Variants in RPAP3 observed in about 807,000 individuals in gnomAD.
The protein encoded by RPAP3 is RNA polymerase II-associated protein 3.
Under a neutral mutation model 88.8 loss-of-function variants are expected in RPAP3, and 58 were observed. The ratio of observed to expected loss-of-function variants is 0.65; its 90% CI spans 0.53 to 0.81. The LOEUF is 0.81. Ranked by LOEUF, RPAP3 falls within the 40% of genes least tolerant of loss-of-function variation. The pLI is 0.00. For missense variants in RPAP3, 751 were observed against 764.3 expected, an observed-to-expected ratio of 0.98 and a Z score of 0.20; for synonymous variants, 255 against 259.9, an observed-to-expected ratio of 0.98 and a Z score of 0.18.
chr12:47,685,463 T>C (rs1939304816), intron 9 of RPAP3, among the ~76,000 whole-genome samples: 1 of 152,262 alleles, frequency 6.6e-6, no homozygotes, highest in East Asian at 1.9e-4. Flanking sequence ...TCACCACTAT[T>C]CAGAATTACA....
chr12:47,679,335 A>AT (rs1181002420), intron 12 of RPAP3, among the ~76,000 whole-genome samples, 158 bp downstream of exon 12: 1 of 152,196 alleles, frequency 6.6e-6, no homozygotes, highest in Non-Finnish European at 1.5e-5. Context: ...AACATGGCAC[A>AT]TGTATACCTA....
rs768520605 is a variant in RPAP3, at chr12:47,702,805, T to C, written c.36A>G (p.Leu12=). 1 of 1,613,256 alleles carries C rather than the reference T, an allele frequency of 6.2e-7. No individual in the cohort carries two copies. Among genetic ancestry groups the C allele is most frequent in the African/African-American group, 1.3e-5 (1 of 75,026 alleles). The change falls in exon 2 of 17, where the codon CTA becomes CTG. Residue 12 remains leucine (L), a synonymous_variant. Coordinates refer to ENST00000005386, the MANE Select transcript of RPAP3 (RefSeq NM_024604.3). ...ATTCTTCTGCATTTTGTTTCACTTG[T>C]AGTTGTAATTCGATTGCTTTATTTG... ...TSANKAIELQ[L]QVKQNAEELQ...
At chr12:47,702,629 T>C in intron 2 of RPAP3, 59 bp downstream of exon 2, 1 of 1,322,606 alleles carries the variant, frequency 7.6e-7, no homozygotes, top group Non-Finnish European at 1.0e-6. Context: ...TTTTAAAAGT[T>C]ATGCTTTATT....
In RPAP3 at chr12:47,681,772, A is replaced by G. The variant is rs1301691287; in HGVS notation, c.1038T>C (p.Asp346=). Residue 346 remains aspartate (D), a synonymous_variant, in exon 10 of 17, where the codon GAT becomes GAC. Transcript: ENST00000005386. ...EKDCTQAILL[D]GSYSKAFARR... ...TGGCAAAAGCTTTAGAATATGAGCC[A>G]TCTAATAAAATGGCTTGTGTGCAGT... 1 of 1,611,308 alleles carries G rather than the reference A, an allele frequency of 6.2e-7. No homozygotes were observed. The highest frequency in any genetic ancestry group is 1.7e-5 in the Admixed American group (1 of 59,646).
chr12:47,693,028 C>T lies in RPAP3; in HGVS notation c.546-2389G>A, dbSNP rs142852167. Reference sequence around the variant, plus strand: ...CCAAGTAGCTGGGATTATAGGCATGCGCCACCACACCTGGCTAATTGTTTG... The same window carrying T: ...CCAAGTAGCTGGGATTATAGGCATGTGCCACCACACCTGGCTAATTGTTTG... On this transcript the variant is annotated intron_variant, in intron 5 of 16. Transcript: ENST00000005386. Among the ~76,000 whole-genome samples, 320 of 152,194 alleles carry T rather than the reference C, an allele frequency of 2.1e-3. 2 individuals carry two copies. Among genetic ancestry groups the T allele is most frequent in the African/African-American group, 7.2e-3 (298 of 41,530 alleles).
At position 47,667,765 on chromosome 12, in the gene RPAP3, G is replaced by A. The variant is rs147037126; in HGVS notation, c.1800C>T (p.Asp600=). The change falls in exon 15 of 17, where the codon GAC becomes GAT. Residue 600 remains aspartate (D), a synonymous_variant. Coordinates refer to ENST00000005386, the MANE Select transcript of RPAP3 (RefSeq NM_024604.3). ...VFNQIVKILH[D]FYIEKEKPLL... is the part of the protein sequence containing the mutation. The stretch of plus-strand genomic sequence containing the variant: ...AAAACTTGACTTACTCAATGTAAAA[G>A]TCATGCAGAATTTTAACGATCTGGT... 1,058 of 1,595,172 alleles carry A rather than the reference G, an allele frequency of 6.6e-4. No homozygotes were observed. Among genetic ancestry groups the A allele is most frequent in the Non-Finnish European group, 8.1e-4 (951 of 1,166,928 alleles).
At chr12:47,666,382 C>T (rs1323066380) in intron 16 of RPAP3, among the ~76,000 whole-genome samples, 1 of 152,202 alleles carries the variant, frequency 6.6e-6, no homozygotes, top group Non-Finnish European at 1.5e-5. Context: ...TTTGCTCTTT[C>T]CTGCCTCAGA....
intron 12 of RPAP3, among the ~76,000 whole-genome samples, chr12:47,677,003 G>T (rs1485915611): frequency 6.6e-6 from 1 of 152,124 alleles, no homozygotes; most frequent in Admixed American, 6.6e-5. Flanking sequence ...ATAAAATACT[G>T]GCAAACCGAA....
intron 1 of RPAP3, among the ~76,000 whole-genome samples, chr12:47,705,410 G>A (rs1313348771): frequency 6.6e-6 from 1 of 152,164 alleles, no homozygotes; most frequent in Non-Finnish European, 1.5e-5. Flanking sequence ...CGCTTTGTTG[G>A]GAACTCAAAT....
At position 47,702,727 on chromosome 12, in the gene RPAP3, CTT is replaced by C. The variant is rs1565725194; in HGVS notation, c.112_113del (p.Lys38GlyfsTer12). On this transcript the variant is annotated frameshift_variant, in exon 2 of 17. Transcript: ENST00000005386. LOFTEE classifies it high-confidence loss of function. ...CATTCTGTCTTCTTAGTTCCATATC[CTT>C]TTGTTTAATGTCTTTTTCCCAGTTT... Reference protein sequence around the residue: ...LENWEKDIKQKDMELRRQNGV... With the variant: ...LENWEKDIKQXDMELRRQNGV... 5 of 1,611,744 alleles carry C rather than the reference CTT, an allele frequency of 3.1e-6. No homozygotes were observed. The highest frequency in any genetic ancestry group is 3.4e-6 in the Non-Finnish European group (4 of 1,178,790).
Position 47,667,777 on chromosome 12 carries a change from T to G in RPAP3, c.1788A>C (p.Lys596Asn). The change falls in exon 15 of 17, where the codon AAA becomes AAC. Residue 596 changes from lysine to asparagine, a missense_variant. Physicochemically the swap from Lys to Asn is moderately conservative, Grantham distance 94. Transcript: ENST00000005386. ...ACTCAATGTAAAAGTCATGCAGAAT[T>G]TTAACGATCTGGTTGAATACATCTG... ...LDPDVFNQIV[K>N]ILHDFYIEKE... 1 of 1,603,778 alleles carries G rather than the reference T, an allele frequency of 6.2e-7. No homozygotes were observed. The highest frequency in any genetic ancestry group is 8.5e-7 in the Non-Finnish European group (1 of 1,173,792).
intron 9 of RPAP3, among the ~76,000 whole-genome samples, chr12:47,686,545 T>TACACATACACACAC (rs57271770): frequency 0.014 from 1,992 of 145,420 alleles, 21 homozygotes; most frequent in East Asian, 0.073. Flanking sequence ...CACATACACA[T>TACACATACACACAC]ACACACACAC....
chr12:47,703,044 T>C (rs1592489971), intron 1 of RPAP3, among the ~76,000 whole-genome samples, 198 bp from the exon 2 acceptor site: 1 of 152,126 alleles, frequency 6.6e-6, no homozygotes, highest in Middle Eastern at 3.4e-3. Context: ...AAATGAAAAA[T>C]AGACAAGTTG....
intron 10 of RPAP3, 149 bp downstream of exon 10, chr12:47,681,547 C>T (rs556593948): frequency 2.5e-6 from 2 of 794,088 alleles, no homozygotes; most frequent in East Asian, 6.1e-5. Flanking sequence ...CTGCATTCCT[C>T]CAAATCTATT....
At chr12:47,676,085 A>G (rs933580960) in intron 12 of RPAP3, among the ~76,000 whole-genome samples, 3 of 152,232 alleles carry the variant, frequency 2.0e-5, no homozygotes, top group African/African-American at 7.2e-5. Flanking sequence ...CTCAGGATTA[A>G]GAAACTCACT....
At chr12:47,700,201 T>A (rs1565724189) in intron 3 of RPAP3, 1 of 152,028 alleles carries the variant, frequency 6.6e-6, no homozygotes, top group Non-Finnish European at 1.5e-5. Context: ...CACTTAAGAT[T>A]TTTGGACTTG....
intron 4 of RPAP3, 55 bp downstream of exon 4, chr12:47,697,542 G>C: frequency 6.6e-7 from 1 of 1,506,650 alleles, no homozygotes; most frequent in Non-Finnish European, 9.0e-7. Context: ...CGATCCACAT[G>C]ATTTTCAACA....
intron 5 of RPAP3, among the ~76,000 whole-genome samples, chr12:47,695,148 G>T (rs534259763): frequency 6.6e-6 from 1 of 151,666 alleles, no homozygotes; most frequent in African/African-American, 2.4e-5. Context: ...GAGAGAAAAA[G>T]AAAGGAAGAA....
At chr12:47,674,624 G>A (rs531158716) in intron 12 of RPAP3, among the ~76,000 whole-genome samples, 14 of 152,178 alleles carry the variant, frequency 9.2e-5, no homozygotes, top group African/African-American at 2.6e-4. Flanking sequence ...TAGCTGATTC[G>A]ATAAAGTGGA....
Sources: gnomAD v4.1 joint callset for allele counts (sites outside exome capture counted in the v4.1 genomes callset) on GRCh38, gnomAD v4.1.1 for gene constraint, MANE v1.5 for transcripts, NCBI Gene and HGNC (gene_info 2026-07-23, HGNC 2026-07-21) for gene names.